The following GHR variants were observed in gnomAD, a reference collection of about 807,000 sequenced individuals.
GHR encodes the protein GH receptor.
Under a neutral mutation model 67.1 loss-of-function variants are expected in GHR, and 35 were observed. The ratio of observed to expected loss-of-function variants is 0.52; its 90% confidence interval spans 0.40 to 0.69. The LOEUF (loss-of-function observed/expected upper bound fraction) is 0.69, where lower values mean the gene tolerates loss of function less well. Among genes scored for constraint, GHR ranks in the 30% least tolerant of loss-of-function variants. The pLI is 0.00. For synonymous variants in GHR, 272 were observed against 269.1 expected (o/e 1.01, Z -0.10); for missense variants, 792 against 764.6 (o/e 1.04, Z -0.42).
chr5:42,621,290 T>C (rs890273695), intron 2 of GHR, among the ~76,000 whole-genome samples: 4 of 152,140 alleles, frequency 2.6e-5, no homozygotes, highest in African/African-American at 9.7e-5. Flanking sequence ...TCAGTATTCT[T>C]TGTGAAAACA....
At chr5:42,609,782 A>G (rs7709370) in intron 2 of GHR, among the ~76,000 whole-genome samples, 35,368 of 152,080 alleles carry the variant, frequency 0.23, 4,858 homozygotes, top group African/African-American at 0.37. Context: ...TAATCTTGAA[A>G]AAGATATCCT....
chr5:42,616,507 A>G (rs1357095251), intron 2 of GHR, among the ~76,000 whole-genome samples: 1 of 152,056 alleles, frequency 6.6e-6, no homozygotes, highest in Non-Finnish European at 1.5e-5. Flanking sequence ...ATTGCTCGAG[A>G]GTTCTGTGTT....
intron 1 of GHR, among the ~76,000 whole-genome samples, chr5:42,558,938 C>T (rs918262382): frequency 6.6e-6 from 1 of 152,132 alleles, no homozygotes; most frequent in Admixed American, 6.5e-5. Context: ...AGATATTTTG[C>T]ATCTTTTCTT....
At chr5:42,639,373 T>C (rs1754357266) in intron 3 of GHR, among the ~76,000 whole-genome samples, 1 of 152,182 alleles carries the variant, frequency 6.6e-6, no homozygotes, top group African/African-American at 2.4e-5. Context: ...AATAGATGTA[T>C]TTTCAGAGAC....
intron 1 of GHR, among the ~76,000 whole-genome samples, chr5:42,512,646 A>G (rs562477124): frequency 6.6e-6 from 1 of 152,272 alleles, no homozygotes; most frequent in South Asian, 2.1e-4. Flanking sequence ...TGAACAAACT[A>G]TCAATATTCA....
At chr5:42,464,387 T>C (rs1744637100) in intron 1 of GHR, among the ~76,000 whole-genome samples, 1 of 152,136 alleles carries the variant, frequency 6.6e-6, no homozygotes, top group Non-Finnish European at 1.5e-5. Flanking sequence ...CTTTTGAAAT[T>C]TTGGAGAATT....
intron 1 of GHR, chr5:42,467,517 A>C: frequency 1.6e-6 from 2 of 1,217,348 alleles, no homozygotes; most frequent in South Asian, 2.5e-5. Context: ...GTTGTGAGCT[A>C]TAACTAAAGG....
At chr5:42,679,989 T>C (rs1165938213) in intron 3 of GHR, among the ~76,000 whole-genome samples, 2 of 152,238 alleles carry the variant, frequency 1.3e-5, no homozygotes, top group African/African-American at 4.8e-5. Context: ...TTGAAGATCA[T>C]GCATGTCTCA....
At chr5:42,427,523 A>C (rs936117372) in intron 1 of GHR, among the ~76,000 whole-genome samples, 1 of 152,364 alleles carries the variant, frequency 6.6e-6, no homozygotes, top group Non-Finnish European at 1.5e-5. Flanking sequence ...CTACAATTCA[A>C]GATGGCATTT....
intron 1 of GHR, among the ~76,000 whole-genome samples, chr5:42,454,743 C>T (rs1744188981): frequency 6.6e-6 from 1 of 152,092 alleles, no homozygotes; most frequent in African/African-American, 2.4e-5. Flanking sequence ...TAGATCCACG[C>T]CTCCTGCTTG....
At chr5:42,487,397 A>T (rs1745929989) in intron 1 of GHR, among the ~76,000 whole-genome samples, 2 of 152,328 alleles carry the variant, frequency 1.3e-5, no homozygotes, top group Admixed American at 6.5e-5. Context: ...AAAAAGGTTT[A>T]CTTAGAGAAA....
rs183580924 is a variant in GHR at position 42,617,748 on chromosome 5, A to T, written c.71-11290A>T. Reference sequence around the variant, plus strand: ...GACACAAAGACACACTGTGCAAGACATCTATGGCCAGTGGAGTGGCCGTGT... The same window carrying T: ...GACACAAAGACACACTGTGCAAGACTTCTATGGCCAGTGGAGTGGCCGTGT... On this transcript the variant is annotated intron_variant, in intron 2 of 9. Transcript: ENST00000230882. Among the ~76,000 whole-genome samples, 23 of 152,254 alleles carry T rather than the reference A, an allele frequency of 1.5e-4. No homozygotes were observed. The East Asian group carries it at 3.7e-3, about 24-fold the overall frequency.
At chr5:42,502,604 C>T (rs972516474) in intron 1 of GHR, among the ~76,000 whole-genome samples, 9 of 151,746 alleles carry the variant, frequency 5.9e-5, no homozygotes, top group East Asian at 1.9e-4. Context: ...AATATTCTCA[C>T]GCTCTCTCTC....
intron 1 of GHR, among the ~76,000 whole-genome samples, chr5:42,554,683 G>T (rs756716375): frequency 1.4e-4 from 22 of 151,942 alleles, no homozygotes; most frequent in Admixed American, 2.0e-4. Flanking sequence ...CACTTGAAAT[G>T]GAACTAGTTT....
chr5:42,524,815 G>A (rs879122007), intron 1 of GHR, among the ~76,000 whole-genome samples: 1 of 152,196 alleles, frequency 6.6e-6, no homozygotes, highest in Admixed American at 6.5e-5. Context: ...GGCTGAAAAG[G>A]GCCAACACAG....
intron 3 of GHR, among the ~76,000 whole-genome samples, chr5:42,686,613 G>A (rs1008060158): frequency 5.3e-5 from 8 of 152,114 alleles, no homozygotes; most frequent in Non-Finnish European, 8.8e-5. Context: ...AAAAGCCTTC[G>A]ACAAAATTCA....
At chr5:42,548,175 C>A (rs1748825733) in intron 1 of GHR, 5 of 982,426 alleles carry the variant, frequency 5.1e-6, no homozygotes, top group South Asian at 4.7e-5. Context: ...TTATATGAGA[C>A]AATGGTCTGA....
intron 3 of GHR, among the ~76,000 whole-genome samples, chr5:42,645,511 A>C (rs1000365349): frequency 6.6e-6 from 1 of 152,264 alleles, no homozygotes; most frequent in African/African-American, 2.4e-5. Flanking sequence ...GAGAGGAAAG[A>C]ACCAGTTAGT....
intron 6 of GHR, among the ~76,000 whole-genome samples, chr5:42,708,573 C>T (rs1758295954): frequency 6.6e-6 from 1 of 152,088 alleles, no homozygotes; most frequent in Non-Finnish European, 1.5e-5. Context: ...AAACCAAACT[C>T]TTTAAGATTC....
Sources: allele counts gnomAD v4.1 joint callset (sites outside exome capture counted in the v4.1 genomes callset), GRCh38; gene constraint gnomAD v4.1.1; transcripts MANE v1.5; gene names NCBI Gene and HGNC (gene_info 2026-07-23, HGNC 2026-07-21).